CLVS1: variants seen among roughly 807,000 people sequenced by gnomAD.
CLVS1 encodes the protein clavesin-1.
CLVS1 carries 10 observed loss-of-function variants against 33.1 expected under a neutral mutation model. That is an observed-to-expected ratio of 0.30 (90% confidence interval 0.19 to 0.51). CLVS1 has a LOEUF of 0.51. CLVS1 is among the 20% of genes least tolerant of loss of function. CLVS1 has a pLI of 0.97. For missense variants in CLVS1, 343 were observed against 433.4 expected, an observed-to-expected ratio of 0.79 and a Z score of 1.85; for synonymous variants, 163 against 166.1, an observed-to-expected ratio of 0.98 and a Z score of 0.14.
chr8:61,400,399 G>T (rs995808330), intron 3 of CLVS1, among the ~76,000 whole-genome samples: 1 of 152,084 alleles, frequency 6.6e-6, no homozygotes, highest in African/African-American at 2.4e-5. Flanking sequence ...TGAGATTTTG[G>T]TGAAGTTGCT....
intron 2 of CLVS1, among the ~76,000 whole-genome samples, chr8:61,204,516 T>G (rs1229240136): frequency 6.6e-6 from 1 of 152,230 alleles, no homozygotes; most frequent in Non-Finnish European, 1.5e-5. Flanking sequence ...AGCATGCCTA[T>G]AGAACTTGAC....
intron 2 of CLVS1, among the ~76,000 whole-genome samples, chr8:61,240,178 TA>T (rs1022097431): frequency 6.6e-6 from 1 of 152,218 alleles, no homozygotes; most frequent in Non-Finnish European, 1.5e-5. Context: ...TTTTTCTGCT[TA>T]AACTCTCCAC....
At chr8:61,167,924 G>A (rs758408252) in intron 2 of CLVS1, among the ~76,000 whole-genome samples, 3 of 152,130 alleles carry the variant, frequency 2.0e-5, no homozygotes, top group Admixed American at 6.5e-5. Context: ...TCCACCCCTC[G>A]TTTAGCATTT....
At chr8:61,267,224 G>A (rs1392834541) in intron 2 of CLVS1, among the ~76,000 whole-genome samples, 3 of 152,170 alleles carry the variant, frequency 2.0e-5, no homozygotes, top group South Asian at 2.1e-4. Flanking sequence ...GTGGGGGCAT[G>A]TCTTTGTATT....
chr8:61,495,970 T>C (rs1804253100), intron 5 of CLVS1, among the ~76,000 whole-genome samples: 1 of 152,268 alleles, frequency 6.6e-6, no homozygotes, highest in East Asian at 1.9e-4. Flanking sequence ...TTGTGTCTAC[T>C]CTGGTGGCTC....
At chr8:61,318,728 C>T (rs1042429742) in intron 2 of CLVS1, among the ~76,000 whole-genome samples, 4 of 152,098 alleles carry the variant, frequency 2.6e-5, no homozygotes, top group Non-Finnish European at 5.9e-5. Flanking sequence ...CAGTTCTGTA[C>T]TCCAGTTCCC....
intron 3 of CLVS1, among the ~76,000 whole-genome samples, chr8:61,432,491 C>T (rs1186966335): frequency 6.6e-6 from 1 of 151,848 alleles, no homozygotes; most frequent in African/African-American, 2.4e-5. Flanking sequence ...TAGACATGTA[C>T]AGAGGGAAGT....
chr8:61,426,878 G>T (rs1440633654), intron 3 of CLVS1, among the ~76,000 whole-genome samples: 1 of 152,152 alleles, frequency 6.6e-6, no homozygotes, highest in African/African-American at 2.4e-5. Flanking sequence ...TGGTACACAG[G>T]CCCTTAGTAT....
intron 2 of CLVS1, among the ~76,000 whole-genome samples, chr8:61,237,563 C>T (rs1790394385): frequency 1.3e-5 from 2 of 152,324 alleles, no homozygotes; most frequent in South Asian, 4.2e-4. Flanking sequence ...TCCTCAATTA[C>T]TAACCTAAGA....
chr8:61,100,003 T>G (rs1388865822), intron 1 of CLVS1, among the ~76,000 whole-genome samples: 1 of 152,182 alleles, frequency 6.6e-6, no homozygotes, highest in Non-Finnish European at 1.5e-5. Flanking sequence ...ATTAGGGACA[T>G]TTATGAAACA....
chr8:61,404,282 T>C (rs1814892147), intron 3 of CLVS1, among the ~76,000 whole-genome samples: 1 of 152,232 alleles, frequency 6.6e-6, no homozygotes, highest in Non-Finnish European at 1.5e-5. Flanking sequence ...TTCATTTACT[T>C]TTCTCTCAGC....
At chr8:61,428,098 G>T (rs1373868297) in intron 3 of CLVS1, among the ~76,000 whole-genome samples, 2 of 152,266 alleles carry the variant, frequency 1.3e-5, no homozygotes, top group African/African-American at 4.8e-5. Context: ...ACAAAGGGAT[G>T]AATGTTTCAT....
At position 61,310,910 on chromosome 8, in the gene CLVS1, A is replaced by G. The variant is rs112802610; in HGVS notation, c.455+10628A>G. 7.8e-4 allele frequency among the ~76,000 whole-genome samples: 118 copies of G among 152,240 alleles called. 1 individual carries two copies. The Middle Eastern group carries it at 0.014, about 18-fold the overall frequency. On this transcript the variant is annotated intron_variant, in intron 2 of 5. Transcript: ENST00000325897. ...ACAGAATCTCAGCTCAGCTGCTACC[A>G]GTGTTGTGACCTTGGCAAGATTTGT...
chr8:61,261,583 T>C (rs905050478), intron 2 of CLVS1, among the ~76,000 whole-genome samples: 1 of 152,000 alleles, frequency 6.6e-6, no homozygotes, highest in Non-Finnish European at 1.5e-5. Flanking sequence ...TATTAGGAGG[T>C]GGAGCTTTGG....
At chr8:61,234,490 T>C (rs1242528046) in intron 2 of CLVS1, among the ~76,000 whole-genome samples, 5 of 152,090 alleles carry the variant, frequency 3.3e-5, no homozygotes, top group Non-Finnish European at 7.4e-5. Context: ...TAGAAGTGCA[T>C]ATATCCGGTC....
At chr8:61,483,073 G>A (rs1007497741) in intron 5 of CLVS1, among the ~76,000 whole-genome samples, 1 of 152,108 alleles carries the variant, frequency 6.6e-6, no homozygotes, top group Non-Finnish European at 1.5e-5. Flanking sequence ...CTAGCAGAAG[G>A]CAAGAAATAA....
chr8:61,297,489 C>A (rs141576584), intron 1 of CLVS1, among the ~76,000 whole-genome samples: 29 of 152,190 alleles, frequency 1.9e-4, no homozygotes, highest in African/African-American at 6.7e-4. Flanking sequence ...AGGTTTCTAG[C>A]GTGGGAAACT....
chr8:61,245,730 T>G (rs887180157), intron 2 of CLVS1, among the ~76,000 whole-genome samples: 8 of 151,828 alleles, frequency 5.3e-5, no homozygotes, highest in African/African-American at 1.9e-4. Flanking sequence ...TTTAAGTTTA[T>G]TACTTTAAAA....
chr8:61,232,022 G>GTTTTTTTTTTTTTTTTTTTTTTTT (rs376185436), intron 2 of CLVS1, among the ~76,000 whole-genome samples: 3 of 117,068 alleles, frequency 2.6e-5, no homozygotes, highest in African/African-American at 1.3e-4. Flanking sequence ...GGAAAGTTGT[G>GTTTTTTTTTTTTTTTTTTTTTTTT]GTTTTTTTTT....
Sources: allele counts gnomAD v4.1 joint callset (sites outside exome capture counted in the v4.1 genomes callset), GRCh38; gene constraint gnomAD v4.1.1; transcripts MANE v1.5; gene names NCBI Gene and HGNC (gene_info 2026-07-23, HGNC 2026-07-21).